FMO3: variants seen among roughly 807,000 people sequenced by gnomAD.
FMO3 encodes flavin-containing monooxygenase 3.
In FMO3, 40 loss-of-function variants were observed where a neutral mutation model predicts 39.4. That is an observed-to-expected ratio of 1.02 (90% confidence interval 0.79 to 1.32). The LOEUF is 1.32. Ranked by LOEUF, FMO3 falls within the 40% of genes most tolerant of loss-of-function variation. FMO3 has a pLI of 0.00. For synonymous variants in FMO3, 219 were observed against 228.8 expected (o/e 0.96, Z 0.39); for missense variants, 680 against 651.8 (o/e 1.04, Z -0.47).
chr1:171,116,954 A>T, intron 8 of FMO3, 146 bp from the exon 9 acceptor site: 1 of 674,396 alleles, frequency 1.5e-6, no homozygotes, highest in Non-Finnish European at 2.7e-6. Flanking sequence ...TTGATGTTGT[A>T]TGTCAGGGTA....
intron 2 of FMO3, among the ~76,000 whole-genome samples, chr1:171,102,343 T>G (rs1474651796): frequency 6.6e-6 from 1 of 152,202 alleles, no homozygotes; most frequent in African/African-American, 2.4e-5. Flanking sequence ...CAATCTGATC[T>G]TTCATCATGA....
intron 7 of FMO3, 123 bp downstream of exon 7, chr1:171,114,485 A>G (rs1018051029): frequency 4.0e-6 from 3 of 753,468 alleles, no homozygotes; most frequent in African/African-American, 3.5e-5. Context: ...TTATAATTCT[A>G]TATTCTTTAG....
intron 2 of FMO3, among the ~76,000 whole-genome samples, chr1:171,096,057 A>G (rs866809667): frequency 4.0e-5 from 2 of 50,600 alleles, no homozygotes; most frequent in East Asian, 1.1e-3. Context: ...TAAATATATA[A>G]TATATATTAT....
intron 6 of FMO3, 110 bp downstream of exon 6, chr1:171,111,107 A>G (rs771182398): frequency 4.8e-6 from 4 of 841,392 alleles, no homozygotes; most frequent in Non-Finnish European, 8.1e-6. Context: ...CACAACTCAT[A>G]TATCAGAAGA....
rs1158467219 is a variant in FMO3 at position 171,093,697 on chromosome 1, A to G, written c.132+907A>G. Among the ~76,000 whole-genome samples the G allele has an allele frequency of 2.6e-5, 4 of 152,004 alleles. No individual in the cohort carries two copies. The East Asian group carries it at 5.8e-4, about 22-fold the overall frequency. The stretch of plus-strand genomic sequence containing the variant: ...TAATGACTTCTTTTCCTTTGGATAG[A>G]TATCTACTAGGGGCATTGTTGGGTC... On this transcript the variant is annotated intron_variant, in intron 2 of 8. Coordinates refer to ENST00000367755, the MANE Select transcript of FMO3 (RefSeq NM_001002294.3).
chr1:171,114,507 G>A (rs1364884801), intron 7 of FMO3, 145 bp downstream of exon 7: 2 of 686,652 alleles, frequency 2.9e-6, no homozygotes, highest in Non-Finnish European at 5.1e-6. Context: ...GCTATATTTT[G>A]TTAGCAATTT....
At chr1:171,115,385 C>A (rs1428971014) in intron 7 of FMO3, among the ~76,000 whole-genome samples, 2 of 151,770 alleles carry the variant, frequency 1.3e-5, no homozygotes, top group Non-Finnish European at 2.9e-5. Flanking sequence ...AAAAAACAGT[C>A]TCTTTCTTTT....
chr1:171,112,855 C>A (rs899197603), intron 6 of FMO3, among the ~76,000 whole-genome samples: 1 of 151,938 alleles, frequency 6.6e-6, no homozygotes, highest in Non-Finnish European at 1.5e-5. Flanking sequence ...CTGAGGTATG[C>A]CATTGTCAGA....
intron 2 of FMO3, 27 bp downstream of exon 2, chr1:171,092,817 A>G: frequency 6.2e-7 from 1 of 1,612,726 alleles, no homozygotes; most frequent in Non-Finnish European, 8.5e-7. Context: ...TGTAATAGAC[A>G]GGAAAATAGG....
chr1:171,092,459 G>A (rs1023270827), intron 1 of FMO3, among the ~76,000 whole-genome samples, 194 bp from the exon 2 acceptor site: 2 of 152,198 alleles, frequency 1.3e-5, no homozygotes, highest in African/African-American at 4.8e-5. Context: ...TCAAACTCCT[G>A]GGCTCAAGTG....
chr1:171,092,069 T>C (rs1264619845), intron 1 of FMO3, among the ~76,000 whole-genome samples: 2 of 152,010 alleles, frequency 1.3e-5, no homozygotes, highest in African/African-American at 4.8e-5. Context: ...AATGACAAAG[T>C]CCAAAAGCAA....
chr1:171,107,867 A>C (rs1482268251), intron 4 of FMO3, 30 bp downstream of exon 4: 1 of 1,602,540 alleles, frequency 6.2e-7, no homozygotes, highest in African/African-American at 1.3e-5. Context: ...TGCTAGCCAC[A>C]TAACTGACAA....
At chr1:171,110,464 C>A (rs1571221820) in intron 5 of FMO3, among the ~76,000 whole-genome samples, 1 of 152,272 alleles carries the variant, frequency 6.6e-6, no homozygotes, top group South Asian at 2.1e-4. Context: ...AGGATCAATA[C>A]TTCCACAGGA....
Position 171,092,774 on chromosome 1 carries a change from G to A in FMO3, c.116G>A (p.Gly39Asp), listed in dbSNP as rs762590624. ...TTTGAGAAGAGCAATGACATTGGGG[G>A]CCTGTGGAAATTTTCAGTGAGTAGC... ...TCFEKSNDIG[G>D]LWKFSDHAEE... The change falls in exon 2 of 9, where the codon GGC (glycine) becomes GAC (aspartate). Residue 39 changes from glycine (G) to aspartate (D), a missense_variant. Coordinates refer to ENST00000367755, the MANE Select transcript of FMO3 (RefSeq NM_001002294.3). 1.2e-5 allele frequency: 20 copies of A among 1,613,982 alleles called. No individual in the cohort carries two copies. The highest frequency in any genetic ancestry group is 1.7e-5 in the Non-Finnish European group (20 of 1,179,988).
At position 171,101,271 on chromosome 1, in the gene FMO3, G is replaced by C. The variant is rs542646380; in HGVS notation, c.133-2514G>C. The C allele has an allele frequency of 3.5e-3, 1,597 of 452,536 alleles. 6 individuals carry two copies. The highest frequency in any genetic ancestry group is 7.0e-3 in the South Asian group (451 of 64,288). 28.0% of individuals were successfully genotyped at this position (452,536 alleles called of 1,614,324 possible). On this transcript the variant is annotated intron_variant, in intron 2 of 8. Transcript: ENST00000367755. ...CCCGACTGCTGACTTCTAGAACTGTGAATCAATTGCTATTATTTTAAGCCA... is the reference window on the plus strand; with the variant it reads ...CCCGACTGCTGACTTCTAGAACTGTCAATCAATTGCTATTATTTTAAGCCA...
At position 171,110,859 on chromosome 1, in the gene FMO3, C is replaced by G. The variant is rs1340967544; in HGVS notation, c.689C>G (p.Pro230Arg). 1 of 1,613,834 alleles carries G rather than the reference C, an allele frequency of 6.2e-7. No homozygotes were observed. Among genetic ancestry groups the G allele is most frequent in the Non-Finnish European group, 8.5e-7 (1 of 1,179,924 alleles). Residue 230 changes from proline (P) to arginine (R), a missense_variant, in exon 6 of 9, where the codon CCT (proline) becomes CGT (arginine). By Grantham distance (103) the Pro-to-Arg change is moderately radical. Coordinates refer to ENST00000367755, the MANE Select transcript of FMO3 (RefSeq NM_001002294.3). ...VMSRVWDNGY[P>R]WDMLLVTRFG... Reference sequence around the variant, plus strand: ...AGCCGGGTCTGGGACAATGGTTATCCTTGGGACATGCTGCTCGTCACTCGA... The same window carrying G: ...AGCCGGGTCTGGGACAATGGTTATCGTTGGGACATGCTGCTCGTCACTCGA...
At chr1:171,092,274 C>A (rs1046937648) in intron 1 of FMO3, among the ~76,000 whole-genome samples, 4 of 152,110 alleles carry the variant, frequency 2.6e-5, no homozygotes, top group African/African-American at 9.7e-5. Context: ...GGCTGGAGTG[C>A]AGTGGTACAA....
chr1:171,095,612 C>T (rs1654919314), intron 2 of FMO3, among the ~76,000 whole-genome samples: 1 of 150,468 alleles, frequency 6.6e-6, no homozygotes, highest in Non-Finnish European at 1.5e-5. Flanking sequence ...GTGTCTGTAA[C>T]AGCTGTTTAA....
chr1:171,096,347 A>ATG (rs1299987301), intron 2 of FMO3, among the ~76,000 whole-genome samples: 1 of 93,568 alleles, frequency 1.1e-5, no homozygotes, highest in Non-Finnish European at 1.8e-5. Context: ...ATAAATATAT[A>ATG]TAAATATATA....
Sources: gnomAD v4.1 joint callset for allele counts (sites outside exome capture counted in the v4.1 genomes callset) on GRCh38, gnomAD v4.1.1 for gene constraint, MANE v1.5 for transcripts, NCBI Gene and HGNC (gene_info 2026-07-23, HGNC 2026-07-21) for gene names.